Variants in DNMBP observed in about 807,000 individuals in gnomAD.
DNMBP encodes dynamin-binding protein.
DNMBP carries 87 observed loss-of-function variants against 150.0 expected under a neutral mutation model. The observed-to-expected ratio is 0.58, with a 90% CI of 0.49 to 0.69. The LOEUF (loss-of-function observed/expected upper bound fraction) is 0.69. DNMBP is among the 30% of genes least tolerant of loss of function. The probability of loss-of-function intolerance (pLI) is 0.00; values close to 1 mark genes in which losing one functional copy is unlikely to be tolerated. For synonymous variants in DNMBP, 711 were observed against 750.4 expected (o/e 0.95, Z 0.86); for missense variants, 1,774 against 1,949.0 (o/e 0.91, Z 1.69).
At chr10:99,898,321 C>G in intron 8 of DNMBP, 36 bp from the exon 9 acceptor site, 1 of 1,551,752 alleles carries the variant, frequency 6.4e-7, no homozygotes, top group Non-Finnish European at 8.9e-7. Context: ...AGTAAGCTAT[C>G]AATAATATAG....
In DNMBP at chr10:99,926,638, G is replaced by A. The variant is rs140400156; in HGVS notation, c.2261-17492C>T. Among the ~76,000 whole-genome samples, 110 of 152,332 alleles carry A rather than the reference G, an allele frequency of 7.2e-4. 2 individuals carry two copies. The East Asian group carries it at 0.02, about 28-fold the overall frequency. On this transcript the variant is annotated intron_variant, in intron 4 of 16. Transcript: ENST00000324109. ...CTGGGCTGAGCAGCCAAAGGTTCCA[G>A]TCTGGGGGCTCTGAAGACATTAGCT...
At chr10:99,940,578 T>C (rs2040284046) in intron 4 of DNMBP, among the ~76,000 whole-genome samples, 1 of 152,198 alleles carries the variant, frequency 6.6e-6, no homozygotes, top group South Asian at 2.1e-4. Flanking sequence ...CGTAAACTTA[T>C]GAACGCGTAC....
chr10:99,896,051 A>G (rs1322246786), intron 10 of DNMBP, among the ~76,000 whole-genome samples: 4 of 152,232 alleles, frequency 2.6e-5, no homozygotes, highest in Non-Finnish European at 5.9e-5. Flanking sequence ...AGCTCCTTAG[A>G]GGTGGTGAAA....
At chr10:99,935,653 C>T (rs1409630850) in intron 4 of DNMBP, among the ~76,000 whole-genome samples, 1 of 152,260 alleles carries the variant, frequency 6.6e-6, no homozygotes, top group African/African-American at 2.4e-5. Flanking sequence ...CAACCTCTGC[C>T]TCCCAGGTTC....
At chr10:99,899,890 A>T in intron 7 of DNMBP, 29 bp downstream of exon 7, 1 of 1,613,452 alleles carries the variant, frequency 6.2e-7, no homozygotes. Flanking sequence ...AAAGAGCTGT[A>T]ATGGAAGTTA....
At chr10:99,931,003 C>A in intron 4 of DNMBP, 1 of 417,276 alleles carries the variant, frequency 2.4e-6, no homozygotes, top group Non-Finnish European at 4.2e-6. Flanking sequence ...TAATGAGTAA[C>A]TAGTATGCAT....
Position 99,956,459 on chromosome 10 carries a change from G to A in DNMBP, c.1015C>T (p.His339Tyr). 6.2e-7 allele frequency: 1 copy of A among 1,614,136 alleles called. No homozygotes were observed. Among genetic ancestry groups the A allele is most frequent in the South Asian group, 1.1e-5 (1 of 91,066 alleles). Residue 339 changes from histidine to tyrosine, a missense_variant, in exon 4 of 17, where the codon CAT becomes TAT. Coordinates refer to ENST00000324109, the MANE Select transcript of DNMBP (RefSeq NM_015221.4). Reference protein sequence around the residue: ...ENTLGVEEQRHETSDHEAEEP... With the variant: ...ENTLGVEEQRYETSDHEAEEP... ...TCGGCCTCATGGTCACTGGTTTCAT[G>A]TCTTTGTTCCTCTACTCCTAAGGTG...
intron 1 of DNMBP, among the ~76,000 whole-genome samples, chr10:99,975,780 TCTTA>T (rs2040721757): frequency 6.6e-6 from 1 of 152,220 alleles, no homozygotes; most frequent in South Asian, 2.1e-4. Context: ...ACCTTGGACA[TCTTA>T]CTTAAACTCT....
chr10:99,971,873 T>C, intron 2 of DNMBP, 107 bp downstream of exon 2: 1 of 939,076 alleles, frequency 1.1e-6, no homozygotes, highest in Non-Finnish European at 1.6e-6. Flanking sequence ...TTTTTTTTTT[T>C]AAGACAGGGT....
intron 4 of DNMBP, among the ~76,000 whole-genome samples, chr10:99,940,690 CGAAA>C (rs2040287223): frequency 6.6e-6 from 1 of 152,168 alleles, no homozygotes; most frequent in East Asian, 1.9e-4. Flanking sequence ...CAAAACTCTT[CGAAA>C]GACTTTTGAG....
intron 3 of DNMBP, among the ~76,000 whole-genome samples, chr10:99,963,020 T>C (rs2040580824): frequency 6.6e-6 from 1 of 152,202 alleles, no homozygotes; most frequent in Non-Finnish European, 1.5e-5. Flanking sequence ...ACCTGGAAAG[T>C]ACTTTAGAGA....
intron 1 of DNMBP, among the ~76,000 whole-genome samples, chr10:99,985,458 C>T (rs1024179358): frequency 1.3e-5 from 2 of 152,088 alleles, no homozygotes; most frequent in Non-Finnish European, 2.9e-5. Flanking sequence ...GTCAGGGTCT[C>T]GCTCAGCCAC....
chr10:99,876,912 T>C lies in DNMBP; in HGVS notation c.*239A>G, dbSNP rs1467893767. On this transcript the variant is annotated 3_prime_UTR_variant, in exon 17 of 17. Coordinates refer to ENST00000324109, the MANE Select transcript of DNMBP (RefSeq NM_015221.4). ...GCTCTAAGACTTGTCTCTCTTCTCA[T>C]AGTCACTAAGTCATTTGCAAAGCCC... is the stretch of plus-strand genomic sequence containing the variant. The C allele has an allele frequency of 2.4e-6, 1 of 421,580 alleles. No homozygotes were observed. Among genetic ancestry groups the C allele is most frequent in the East Asian group, 3.9e-5 (1 of 25,362 alleles). The allele number at this position is 421,580 out of a possible 1,614,324, so 26.1% of individuals were successfully genotyped here. A position where few individuals can be genotyped will look rare whatever the true frequency, so the allele number is the denominator to read the frequency against.
chr10:99,956,737 G>A lies in DNMBP; in HGVS notation c.737C>T (p.Thr246Ile). Residue 246 changes from threonine to isoleucine, a missense_variant, in exon 4 of 17, where the codon ACC becomes ATC. Physicochemically the swap from Thr to Ile is moderately conservative, Grantham distance 89. Transcript: ENST00000324109. ...GPDEDEEEPG[T>I]YGVALYRFQA... ...GAATCTGTACAGGGCGACCCCATAG[G>A]TCCCTGGCTCCTCCTCATCCTCATC... 1 of 1,614,080 alleles carries A rather than the reference G, an allele frequency of 6.2e-7. No individual in the cohort carries two copies. The highest frequency in any genetic ancestry group is 8.5e-7 in the Non-Finnish European group (1 of 1,180,008).
rs1285600707 is a variant in DNMBP at position 99,896,441 on chromosome 10, C to T, written c.2921-44G>A. On this transcript the variant is annotated intron_variant, in intron 9 of 16. Transcript: ENST00000324109. ...AAGCACTTTCCTCAGCATGGGCATA[C>T]TACAAAATGAGCCATAAAATGAGAT... The T allele has an allele frequency of 3.1e-6, 5 of 1,607,056 alleles. No individual in the cohort carries two copies. In the African/African-American group the frequency reaches 4.0e-5, roughly 13 times the overall value.
intron 7 of DNMBP, among the ~76,000 whole-genome samples, chr10:99,899,212 A>T (rs1306529332): frequency 6.6e-6 from 1 of 151,892 alleles, no homozygotes; most frequent in Non-Finnish European, 1.5e-5. Context: ...AAAATAATAA[A>T]AAATAAAAAA....
intron 1 of DNMBP, among the ~76,000 whole-genome samples, chr10:99,979,984 T>G (rs899758872): frequency 1.3e-5 from 2 of 152,200 alleles, no homozygotes; most frequent in African/African-American, 4.8e-5. Context: ...TTCCCCCAAA[T>G]GATGCCACCT....
chr10:99,880,142 G>A lies in DNMBP; in HGVS notation c.4217C>T (p.Ala1406Val), dbSNP rs1344322576. The change falls in exon 16 of 17, where the codon GCA becomes GTA. Residue 1406 changes from alanine to valine, a missense_variant. Coordinates refer to ENST00000324109, the MANE Select transcript of DNMBP (RefSeq NM_015221.4). Reference protein sequence around the residue: ...SGSCQKQPQDASPPPKECDQG... With the variant: ...SGSCQKQPQDVSPPPKECDQG... ...GTCACATTCTTTTGGCGGAGGAGAT[G>A]CATCTTGAGGCTGCTTCTGGCAAGA... The A allele has an allele frequency of 6.2e-7, 1 of 1,614,176 alleles. No homozygotes were observed. Among genetic ancestry groups the A allele is most frequent in the Admixed American group, 1.7e-5 (1 of 60,016 alleles).
At chr10:99,952,760 ACT>A (rs911413437) in intron 4 of DNMBP, among the ~76,000 whole-genome samples, 15 of 151,836 alleles carry the variant, frequency 9.9e-5, no homozygotes, top group Non-Finnish European at 1.5e-4. Flanking sequence ...TTCCAATAAT[ACT>A]CTTTTTTATT....
Sources: allele counts gnomAD v4.1 joint callset (sites outside exome capture counted in the v4.1 genomes callset), GRCh38; gene constraint gnomAD v4.1.1; transcripts MANE v1.5; gene names NCBI Gene and HGNC (gene_info 2026-07-23, HGNC 2026-07-21).